GLDN: variants seen among roughly 807,000 people sequenced by gnomAD.
GLDN encodes the protein gliomedin, also known as collomin.
In GLDN, 47 loss-of-function variants were observed where a neutral mutation model predicts 56.5. That is an observed-to-expected ratio of 0.83 (90% confidence interval 0.66 to 1.06). The LOEUF (loss-of-function observed/expected upper bound fraction) is 1.06. GLDN is among the 50% of genes least tolerant of loss of function. The probability of loss-of-function intolerance (pLI) is 0.00; values close to 1 mark genes in which losing one functional copy is unlikely to be tolerated. For synonymous variants in GLDN, 332 were observed against 278.8 expected, an observed-to-expected ratio of 1.19 and a Z score of -1.90; for missense variants, 782 against 714.3, an observed-to-expected ratio of 1.09 and a Z score of -1.08.
chr15:51,383,338 T>C (rs2037808051), intron 2 of GLDN, 98 bp from the exon 3 acceptor site: 1 of 1,293,054 alleles, frequency 7.7e-7, no homozygotes, highest in African/African-American at 1.5e-5. Context: ...ATCCATTGCT[T>C]AGGGTCAGTA....
At chr15:51,389,171 G>A (rs2037963552) in intron 4 of GLDN, among the ~76,000 whole-genome samples, 1 of 152,204 alleles carries the variant, frequency 6.6e-6, no homozygotes, top group South Asian at 2.1e-4. Flanking sequence ...GTTGGGTTAT[G>A]ACAACTCTAA....
At chr15:51,383,345 A>G (rs987050040) in intron 2 of GLDN, 91 bp from the exon 3 acceptor site, 2 of 1,333,048 alleles carry the variant, frequency 1.5e-6, no homozygotes, top group African/African-American at 1.5e-5. Flanking sequence ...GCTTAGGGTC[A>G]GTAGATAATT....
intron 2 of GLDN, among the ~76,000 whole-genome samples, chr15:51,381,768 G>GT (rs759416320): frequency 3.5e-3 from 503 of 144,300 alleles, no homozygotes; most frequent in Admixed American, 3.9e-3. Context: ...ATCCCCTAGG[G>GT]TTTTTTTTTT....
In GLDN at chr15:51,404,664, C is replaced by T. The variant is rs1566954156; in HGVS notation, c.1566C>T (p.Tyr522=). The part of the protein sequence containing the change: ...TSQSVLAMLA[Y]NMRDQHLYSW... ...AGTCTGTTCTTGCCATGTTAGCATA[C>T]AACATGAGAGATCAGCATTTATATT... Residue 522 remains tyrosine, a synonymous_variant, in exon 10 of 10, where the codon TAC becomes TAT. Coordinates refer to ENST00000335449, the MANE Select transcript of GLDN (RefSeq NM_181789.4). The T allele has an allele frequency of 1.2e-6, 2 of 1,611,766 alleles. No individual in the cohort carries two copies. The highest frequency in any genetic ancestry group is 1.7e-6 in the Non-Finnish European group (2 of 1,177,810).
At chr15:51,345,374 G>A (rs913047272) in intron 1 of GLDN, among the ~76,000 whole-genome samples, 5 of 152,236 alleles carry the variant, frequency 3.3e-5, no homozygotes, top group African/African-American at 1.2e-4. Context: ...TTGAGGGACT[G>A]TATGCATTTC....
chr15:51,394,334 C>T (rs576042989), intron 4 of GLDN, among the ~76,000 whole-genome samples: 31 of 152,240 alleles, frequency 2.0e-4, no homozygotes, highest in African/African-American at 6.5e-4. Flanking sequence ...TCCAGCAGGC[C>T]GGGAGCAGTG....
At chr15:51,395,294 C>G (rs1448228102) in intron 5 of GLDN, among the ~76,000 whole-genome samples, 2 of 152,166 alleles carry the variant, frequency 1.3e-5, no homozygotes, top group East Asian at 3.8e-4. Flanking sequence ...GACAAGTAAG[C>G]AGGCAACTTA....
At chr15:51,395,252 G>T (rs1382451733) in intron 5 of GLDN, among the ~76,000 whole-genome samples, 1 of 152,188 alleles carries the variant, frequency 6.6e-6, no homozygotes, top group South Asian at 2.1e-4. Flanking sequence ...TCTTTTCCAA[G>T]ATATATTGAA....
At chr15:51,391,833 G>A (rs896883468) in intron 4 of GLDN, among the ~76,000 whole-genome samples, 3 of 152,314 alleles carry the variant, frequency 2.0e-5, no homozygotes, top group African/African-American at 7.2e-5. Flanking sequence ...CTTCTACTGT[G>A]CTCCCCCAGT....
intron 1 of GLDN, among the ~76,000 whole-genome samples, chr15:51,374,994 A>G (rs999041835): frequency 6.6e-6 from 1 of 152,134 alleles, no homozygotes; most frequent in African/African-American, 2.4e-5. Context: ...CTACCAAAGC[A>G]CTGGGATTAC....
chr15:51,373,803 C>A lies in GLDN; in HGVS notation c.364-3646C>A, dbSNP rs113501673. On this transcript the variant is annotated intron_variant, in intron 1 of 9. Coordinates refer to ENST00000335449, the MANE Select transcript of GLDN (RefSeq NM_181789.4). ...ATGCCTAGTACCCCCAGGACAATGACCTCTAAGGACTCTTCCAGCTTCAAC... is the reference window on the plus strand; with the variant it reads ...ATGCCTAGTACCCCCAGGACAATGAACTCTAAGGACTCTTCCAGCTTCAAC... 4.4e-3 allele frequency among the ~76,000 whole-genome samples: 676 copies of A among 152,302 alleles called. 10 individuals are homozygous for A. The highest frequency in any genetic ancestry group is 0.015 in the African/African-American group (623 of 41,560).
chr15:51,363,490 TA>T (rs1385629982), intron 1 of GLDN, among the ~76,000 whole-genome samples: 1 of 152,202 alleles, frequency 6.6e-6, no homozygotes, highest in Non-Finnish European at 1.5e-5. Context: ...CGCAACCAAG[TA>T]AAATGTAAAT....
At chr15:51,383,362 T>G (rs961582433) in intron 2 of GLDN, 74 bp from the exon 3 acceptor site, 4 of 1,493,894 alleles carry the variant, frequency 2.7e-6, no homozygotes, top group Admixed American at 3.4e-5. Flanking sequence ...AATTAGGAGA[T>G]TTGAAGGTCG....
At position 51,401,675 on chromosome 15, in the gene GLDN, T is replaced by C. The variant is rs777754152; in HGVS notation, c.1110T>C (p.His370=). The part of the protein sequence containing the change: ...YTFIHLPYYF[H]GCGHVVYNNS... ...TCATCCACCTTCCATACTATTTCCA[T>C]GGCTGTGGGCACGTTGTTTACAACA... is the stretch of plus-strand genomic sequence containing the variant. Residue 370 remains histidine, a synonymous_variant, in exon 9 of 10, where the codon CAT becomes CAC. Transcript: ENST00000335449. 3 of 1,614,186 alleles carry C rather than the reference T, an allele frequency of 1.9e-6. No individual in the cohort carries two copies. The highest frequency in any genetic ancestry group is 2.2e-5 in the South Asian group (2 of 91,084).
At chr15:51,401,305 T>C (rs2038244414) in intron 8 of GLDN, among the ~76,000 whole-genome samples, 1 of 152,224 alleles carries the variant, frequency 6.6e-6, no homozygotes, top group South Asian at 2.1e-4. Context: ...GCCACTCTCA[T>C]AGAGAGTTTG....
At chr15:51,344,541 A>G (rs2036943432) in intron 1 of GLDN, among the ~76,000 whole-genome samples, 1 of 152,198 alleles carries the variant, frequency 6.6e-6, no homozygotes, top group East Asian at 1.9e-4. Flanking sequence ...ATGATCTAGT[A>G]TATATCGTGG....
chr15:51,363,894 T>C (rs1215996983), intron 1 of GLDN, among the ~76,000 whole-genome samples: 1 of 152,256 alleles, frequency 6.6e-6, no homozygotes, highest in Non-Finnish European at 1.5e-5. Flanking sequence ...TGTTTTTCTT[T>C]CAGCACTTAA....
At chr15:51,374,679 T>G (rs2037591812) in intron 1 of GLDN, among the ~76,000 whole-genome samples, 1 of 152,096 alleles carries the variant, frequency 6.6e-6, no homozygotes, top group South Asian at 2.1e-4. Flanking sequence ...CATATATATG[T>G]GTTTGTCATA....
chr15:51,397,303 C>T lies in GLDN; in HGVS notation c.689-167C>T, dbSNP rs139856594. Among the ~76,000 whole-genome samples, 1,321 of 151,828 alleles carry T rather than the reference C, an allele frequency of 8.7e-3. 14 individuals are homozygous for T. Among genetic ancestry groups the T allele is most frequent in the African/African-American group, 0.031 (1,273 of 41,332 alleles). ...TCTTCCCTTCTTCCCACCCTCTCTC[C>T]CTTCTTCTCTTCCTCCCTCCCTTTC... On this transcript the variant is annotated intron_variant, in intron 5 of 9. Transcript: ENST00000335449.
Sources: allele counts gnomAD v4.1 joint callset (sites outside exome capture counted in the v4.1 genomes callset), GRCh38; gene constraint gnomAD v4.1.1; transcripts MANE v1.5; gene names NCBI Gene and HGNC (gene_info 2026-07-23, HGNC 2026-07-21).